Variants in FARS2 observed in about 807,000 individuals in gnomAD.
The protein encoded by FARS2 is phenylalanine--tRNA ligase, mitochondrial.
Under a neutral mutation model 46.4 loss-of-function variants are expected in FARS2, and 40 were observed. That is an observed-to-expected ratio of 0.86 (90% CI 0.67 to 1.12). The LOEUF (loss-of-function observed/expected upper bound fraction) is 1.12, where lower values mean the gene tolerates loss of function less well. FARS2 is among the 50% of genes most tolerant of loss of function. The probability of loss-of-function intolerance (pLI) is 0.00; values close to 1 mark genes in which losing one functional copy is unlikely to be tolerated. For synonymous variants in FARS2, 234 were observed against 214.9 expected (o/e 1.09, Z -0.78); for missense variants, 513 against 567.9 (o/e 0.90, Z 0.98).
chr6:5,460,656 A>C (rs950301411), intron 4 of FARS2, among the ~76,000 whole-genome samples: 1 of 152,178 alleles, frequency 6.6e-6, no homozygotes, highest in African/African-American at 2.4e-5. Flanking sequence ...AGAACCTTAC[A>C]TTGCAGCTAC....
At chr6:5,593,343 G>A (rs1774027773) in intron 5 of FARS2, among the ~76,000 whole-genome samples, 1 of 152,036 alleles carries the variant, frequency 6.6e-6, no homozygotes, top group Non-Finnish European at 1.5e-5. Flanking sequence ...GAGGTGCACG[G>A]CCGTACCCAG....
chr6:5,478,909 A>C (rs914951876), intron 4 of FARS2, among the ~76,000 whole-genome samples: 1 of 152,150 alleles, frequency 6.6e-6, no homozygotes, highest in Non-Finnish European at 1.5e-5. Flanking sequence ...CAGAGCCCCA[A>C]ATACTTGCTG....
chr6:5,482,364 G>A (rs191833), intron 4 of FARS2, among the ~76,000 whole-genome samples: 75,007 of 151,990 alleles, frequency 0.49, 18,659 homozygotes, highest in South Asian at 0.59. Flanking sequence ...CAGGACTGTT[G>A]CTGGATTAAA....
At chr6:5,250,421 T>A in the FARS2 span, among the ~76,000 whole-genome samples, 395 of 152,328 alleles carry the variant, frequency 2.6e-3, no homozygotes, top group Non-Finnish European at 4.7e-3. Context: ...TATAATTTTC[T>A]CAATCTAAAT....
chr6:5,422,153 G>A (rs9405831), intron 3 of FARS2, among the ~76,000 whole-genome samples: 73,199 of 151,956 alleles, frequency 0.48, 17,861 homozygotes, highest in Non-Finnish European at 0.52. Context: ...GAGAGCTTGT[G>A]CAGGGAAACT....
intron 2 of FARS2, among the ~76,000 whole-genome samples, chr6:5,383,928 C>T (rs778680407): frequency 6.6e-6 from 1 of 152,120 alleles, no homozygotes; most frequent in Non-Finnish European, 1.5e-5. Context: ...TGTTTAGCCA[C>T]CTGGAGAAGA....
intron 1 of FARS2, among the ~76,000 whole-genome samples, chr6:5,325,133 C>G (rs1028773130): frequency 6.6e-5 from 10 of 152,212 alleles, no homozygotes; most frequent in African/African-American, 2.4e-4. Context: ...GGCTACTCCA[C>G]AGATGCACGG....
At chr6:5,407,042 A>ATT (rs1290895673) in intron 3 of FARS2, among the ~76,000 whole-genome samples, 86 of 35,204 alleles carry the variant, frequency 2.4e-3, no homozygotes, top group African/African-American at 0.012. Flanking sequence ...AAGGTGGCAA[A>ATT]TTATATATAT....
At chr6:5,352,594 G>A (rs749428173) in intron 1 of FARS2, among the ~76,000 whole-genome samples, 1 of 151,344 alleles carries the variant, frequency 6.6e-6, no homozygotes, top group Non-Finnish European at 1.5e-5. Flanking sequence ...ACCAGCTCTG[G>A]GCCTTGGTTT....
chr6:5,341,224 T>TATATATAG (rs1771597540), intron 1 of FARS2, among the ~76,000 whole-genome samples: 1 of 7,052 alleles, frequency 1.4e-4, no homozygotes. Context: ...TATATATATA[T>TATATATAG]ATATATATAT....
At position 5,545,287 on chromosome 6, in the gene FARS2, C is replaced by T. The variant is rs1167684566; in HGVS notation, c.1012C>T (p.Arg338Cys). The stretch of plus-strand genomic sequence containing the variant: ...CCGTCTCTTCTGGTGTGAGGACGAG[C>T]GCTTCCTGAAGCAGTTCTGTGTATC... ...DIRLFWCEDE[R>C]FLKQFCVSNI... The change falls in exon 5 of 7, where the codon CGC (arginine) becomes TGC (cysteine). Residue 338 changes from arginine to cysteine, a missense_variant. By Grantham distance (180) the Arg-to-Cys change is radical (BLOSUM62 -3). Coordinates refer to ENST00000274680, the MANE Select transcript of FARS2 (RefSeq NM_006567.5). The T allele has an allele frequency of 1.8e-5, 29 of 1,614,048 alleles. No homozygotes were observed. Among genetic ancestry groups the T allele is most frequent in the East Asian group, 6.7e-5 (3 of 44,884 alleles).
chr6:5,608,235 G>A (rs544391868), intron 5 of FARS2, among the ~76,000 whole-genome samples: 25 of 152,210 alleles, frequency 1.6e-4, no homozygotes, highest in South Asian at 4.2e-4. Context: ...ATCAGTTTGC[G>A]CATGTCCAAG....
chr6:5,312,317 CTG>C (rs1208804280), intron 1 of FARS2, among the ~76,000 whole-genome samples: 1 of 152,124 alleles, frequency 6.6e-6, no homozygotes, highest in Non-Finnish European at 1.5e-5. Context: ...TAGCTTATGT[CTG>C]TGTAGTATTT....
At chr6:5,269,697 G>T (rs888247035) in intron 1 of FARS2, among the ~76,000 whole-genome samples, 4 of 152,072 alleles carry the variant, frequency 2.6e-5, no homozygotes, top group African/African-American at 9.7e-5. Context: ...CCTACATTTT[G>T]CTAATCACTG....
Position 5,514,083 on chromosome 6 carries a change from T to C in FARS2, c.905-31097T>C, listed in dbSNP as rs535651477. Among the ~76,000 whole-genome samples, 175 of 122,476 alleles carry C rather than the reference T, an allele frequency of 1.4e-3. 2 individuals are homozygous for C. The highest frequency in any genetic ancestry group is 0.014 in the Admixed American group (153 of 11,016). 80.3% of individuals were successfully genotyped at this position (122,476 alleles called of 152,430 possible). A position where few individuals can be genotyped will look rare whatever the true frequency, so the allele number is the denominator to read the frequency against. ...AAAAAATAGAAAATTAACATAAAAA[T>C]CTGGACATATATATATATATATATA... On this transcript the variant is annotated intron_variant, in intron 4 of 6. Transcript: ENST00000274680.
At chr6:5,760,207 C>T (rs1019332584) in intron 6 of FARS2, among the ~76,000 whole-genome samples, 1 of 152,126 alleles carries the variant, frequency 6.6e-6, no homozygotes, top group Non-Finnish European at 1.5e-5. Context: ...TTCCATTAGT[C>T]GCTGAAGAAA....
intron 6 of FARS2, among the ~76,000 whole-genome samples, chr6:5,701,441 T>C (rs554546921): frequency 6.6e-6 from 1 of 152,352 alleles, no homozygotes; most frequent in East Asian, 1.9e-4. Context: ...TCCATATGAA[T>C]GTGAACGTGA....
intron 4 of FARS2, among the ~76,000 whole-genome samples, chr6:5,464,648 T>G (rs966958816): frequency 6.6e-6 from 1 of 152,226 alleles, no homozygotes; most frequent in African/African-American, 2.4e-5. Context: ...CTTTCATTTA[T>G]AAGCTCGTAT....
At chr6:5,708,573 C>T (rs1027869830) in intron 6 of FARS2, among the ~76,000 whole-genome samples, 1 of 152,214 alleles carries the variant, frequency 6.6e-6, no homozygotes, top group Non-Finnish European at 1.5e-5. Context: ...TGTAAAGCCT[C>T]TGGTCAAACC....
Sources: gnomAD v4.1 joint callset for allele counts (sites outside exome capture counted in the v4.1 genomes callset) on GRCh38, gnomAD v4.1.1 for gene constraint, MANE v1.5 for transcripts, NCBI Gene and HGNC (gene_info 2026-07-23, HGNC 2026-07-21) for gene names.